KLRB1: variants seen among roughly 807,000 people sequenced by gnomAD.
KLRB1 encodes the protein killer cell lectin like receptor B1.
A neutral mutation model predicts 33.5 loss-of-function variants in KLRB1; 27 were observed. The ratio of observed to expected loss-of-function variants is 0.81; its 90% CI spans 0.59 to 1.11. The LOEUF (loss-of-function observed/expected upper bound fraction) is 1.11, where lower values mean the gene tolerates loss of function less well. Ranked by LOEUF, KLRB1 falls within the 50% of genes most tolerant of loss-of-function variation. The pLI is 0.00. For missense variants in KLRB1, 241 were observed against 254.1 expected, an observed-to-expected ratio of 0.95 and a Z score of 0.35; for synonymous variants, 64 against 88.9, an observed-to-expected ratio of 0.72 and a Z score of 1.58.
At chr12:9,599,661 T>A in intron 3 of KLRB1, 106 bp downstream of exon 3, 1 of 802,300 alleles carries the variant, frequency 1.2e-6, no homozygotes, top group South Asian at 1.4e-5. Context: ...AGCAGAATGA[T>A]AAGAATATCT....
intron 5 of KLRB1, among the ~76,000 whole-genome samples, chr12:9,596,788 C>CTT (rs1437314667): frequency 1.1e-4 from 17 of 152,262 alleles, no homozygotes; most frequent in African/African-American, 4.1e-4. Flanking sequence ...AACACACACA[C>CTT]AAACTATACT....
intron 4 of KLRB1, 74 bp downstream of exon 4, chr12:9,598,425 G>T: frequency 7.9e-7 from 1 of 1,259,016 alleles, no homozygotes; most frequent in South Asian, 1.4e-5. Flanking sequence ...AAAACCCCTG[G>T]GCTAATGCAC....
intron 1 of KLRB1, among the ~76,000 whole-genome samples, chr12:9,606,762 T>TATA (rs1565444269): frequency 5.3e-4 from 21 of 39,306 alleles, no homozygotes; most frequent in Admixed American, 1.1e-3. Context: ...ATATATATAT[T>TATA]TTTTTTTTTT....
Position 9,595,380 on chromosome 12 carries a change from G to T in KLRB1, c.572C>A (p.Ser191Tyr). ...AGAATACACAGATGTCTGTGAGATG[G>T]AAATACAGCTGTTTTCTTTAGCATC... ...RGDAKENSCI[S>Y]ISQTSVYSEY... The change falls in exon 6 of 6, where the codon TCC becomes TAC. Residue 191 changes from serine to tyrosine, a missense_variant. Ser to Tyr is a moderately radical substitution (Grantham distance 144, BLOSUM62 -2). Coordinates refer to ENST00000229402, the MANE Select transcript of KLRB1 (RefSeq NM_002258.3). 1 of 1,613,146 alleles carries T rather than the reference G, an allele frequency of 6.2e-7. No homozygotes were observed. Among genetic ancestry groups the T allele is most frequent in the South Asian group, 1.1e-5 (1 of 91,060 alleles).
At chr12:9,605,432 C>G (rs77179489) in intron 1 of KLRB1, among the ~76,000 whole-genome samples, 8,386 of 152,218 alleles carry the variant, frequency 0.055, 750 homozygotes, top group African/African-American at 0.19. Context: ...CACAAGTGTG[C>G]CTCTATTTTA....
intron 1 of KLRB1, chr12:9,606,294 A>G (rs1357999504): frequency 6.6e-6 from 1 of 152,158 alleles, no homozygotes; most frequent in Non-Finnish European, 1.5e-5. Context: ...ATAATGTGTC[A>G]TAATAATTTC....
intron 2 of KLRB1, 139 bp from the exon 3 acceptor site, chr12:9,599,980 TAAAA>T (rs55659351): frequency 0.078 from 34,420 of 438,588 alleles, 7 homozygotes; most frequent in South Asian, 0.13. Context: ...AGCGAAGTGG[TAAAA>T]AAAAAAAAAA....
At chr12:9,605,966 C>T (rs1171461770) in intron 1 of KLRB1, among the ~76,000 whole-genome samples, 2 of 152,076 alleles carry the variant, frequency 1.3e-5, no homozygotes, top group Admixed American at 6.6e-5. Flanking sequence ...CCACTTTCCA[C>T]CTTTTGCTAG....
chr12:9,600,759 C>T (rs1256893449), intron 2 of KLRB1, among the ~76,000 whole-genome samples: 3 of 151,566 alleles, frequency 2.0e-5, no homozygotes, highest in African/African-American at 4.8e-5. Context: ...ACAAAAACTG[C>T]GGAAGGCCGC....
chr12:9,597,381 A>G (rs946710928), intron 5 of KLRB1, among the ~76,000 whole-genome samples: 4 of 150,900 alleles, frequency 2.7e-5, no homozygotes, highest in African/African-American at 9.7e-5. Context: ...CTGCAAAATT[A>G]TCCATGAATT....
chr12:9,604,992 C>T (rs773212524), intron 1 of KLRB1, among the ~76,000 whole-genome samples: 2 of 152,134 alleles, frequency 1.3e-5, no homozygotes, highest in Non-Finnish European at 2.9e-5. Context: ...TTCTCCCTAC[C>T]CCCACCCCAC....
At chr12:9,607,722 A>G in intron 1 of KLRB1, 33 bp downstream of exon 1, 5 of 1,395,914 alleles carry the variant, frequency 3.6e-6, no homozygotes, top group Non-Finnish European at 5.1e-6. Context: ...TGGAAGACAT[A>G]CAAATGCCGA....
rs1555097796 is a variant in KLRB1 at position 9,607,355 on chromosome 12, C to CTTTCTTTCTTTCTTT, written c.85+399_85+400insAAAGAAAGAAAGAAA. Among the ~76,000 whole-genome samples the CTTTCTTTCTTTCTTT allele has an allele frequency of 3.8e-3, 201 of 52,750 alleles. 10 individuals are homozygous for CTTTCTTTCTTTCTTT. The highest frequency in any genetic ancestry group is 9.8e-3 in the African/African-American group (191 of 19,438). 34.6% of individuals were successfully genotyped at this position (52,750 alleles called of 152,430 possible). Reference sequence around the variant, plus strand: ...TCTTTCCTTTCTTTCTTTCTTTCTTCCTTTCTTTCTTTCTTTCTTTCTTTC... The same window carrying CTTTCTTTCTTTCTTT: ...TCTTTCCTTTCTTTCTTTCTTTCTTCTTTCTTTCTTTCTTTCTTTCTTTCTTTCTTTCTTTCTTTC... On this transcript the variant is annotated intron_variant, in intron 1 of 5. Coordinates refer to ENST00000229402, the MANE Select transcript of KLRB1 (RefSeq NM_002258.3).
intron 1 of KLRB1, 40 bp from the exon 2 acceptor site, chr12:9,601,639 A>AACAC (rs2120715394): frequency 2.8e-6 from 4 of 1,452,192 alleles, no homozygotes; most frequent in Non-Finnish European, 1.9e-6. Context: ...CAAACAAACA[A>AACAC]ACGAAACAAA....
intron 1 of KLRB1, among the ~76,000 whole-genome samples, chr12:9,607,415 T>TTCTTTCTG (rs1864633713): frequency 9.7e-6 from 1 of 103,192 alleles, no homozygotes; most frequent in African/African-American, 3.2e-5. Context: ...TTTTCTTTCT[T>TTCTTTCTG]TCTTTCTTTC....
chr12:9,600,040 A>C (rs1427401492), intron 2 of KLRB1, among the ~76,000 whole-genome samples, 199 bp from the exon 3 acceptor site: 1 of 152,158 alleles, frequency 6.6e-6, no homozygotes, highest in Non-Finnish European at 1.5e-5. Context: ...AAGAAAAAAC[A>C]AAACAGGTGG....
At position 9,607,366 on chromosome 12, in the gene KLRB1, T is replaced by TTCTTTCTTTCTTTCTTTCTC. The variant is rs1565444645; in HGVS notation, c.85+388_85+389insGAGAAAGAAAGAAAGAAAGA. On this transcript the variant is annotated intron_variant, in intron 1 of 5. Transcript: ENST00000229402. ...TTTCTTTCTTTCTTCCTTTCTTTCT[T>TTCTTTCTTTCTTTCTTTCTC]TCTTTCTTTCTTTCTTTCTTTCTTT... Among the ~76,000 whole-genome samples the TTCTTTCTTTCTTTCTTTCTC allele has an allele frequency of 1.1e-3, 93 of 82,144 alleles. 2 individuals carry two copies. Among genetic ancestry groups the TTCTTTCTTTCTTTCTTTCTC allele is most frequent in the African/African-American group, 2.4e-3 (63 of 26,808 alleles). 53.9% of individuals were successfully genotyped at this position (82,144 alleles called of 152,430 possible).
In KLRB1 at chr12:9,594,820, T is replaced by A. The variant is rs887929932; in HGVS notation, c.*454A>T. Reference sequence around the variant, plus strand: ...ATTAAGTATCTTTATTCAGGTTCATTGCAGCATCCAATTCCAGGTCTCTGG... The same window carrying A: ...ATTAAGTATCTTTATTCAGGTTCATAGCAGCATCCAATTCCAGGTCTCTGG... On this transcript the variant is annotated 3_prime_UTR_variant, in exon 6 of 6. Transcript: ENST00000229402. The A allele has an allele frequency of 6.4e-6, 1 of 155,534 alleles. No individual in the cohort carries two copies. Among genetic ancestry groups the A allele is most frequent in the Non-Finnish European group, 1.4e-5 (1 of 70,340 alleles). 9.6% of individuals were successfully genotyped at this position (155,534 alleles called of 1,614,324 possible).
At chr12:9,607,366 T>TTC (rs1864627376) in intron 1 of KLRB1, among the ~76,000 whole-genome samples, 10 of 82,140 alleles carry the variant, frequency 1.2e-4, no homozygotes, top group African/African-American at 3.4e-4. Context: ...CTTTCTTTCT[T>TTC]TCTTTCTTTC....
Sources: gnomAD v4.1 joint callset for allele counts (sites outside exome capture counted in the v4.1 genomes callset) on GRCh38, gnomAD v4.1.1 for gene constraint, MANE v1.5 for transcripts, NCBI Gene and HGNC (gene_info 2026-07-23, HGNC 2026-07-21) for gene names.